Variants in MACROD2 observed in about 807,000 individuals in gnomAD.
MACROD2 encodes ADP-ribose glycohydrolase MACROD2.
A neutral mutation model predicts 70.4 loss-of-function variants in MACROD2; 36 were observed. The observed-to-expected ratio is 0.51, with a 90% CI of 0.39 to 0.68. MACROD2 has a LOEUF of 0.68. MACROD2 is among the 30% of genes least tolerant of loss of function. The pLI is 0.00. For missense variants in MACROD2, 496 were observed against 538.4 expected (o/e 0.92, Z 0.78); for synonymous variants, 172 against 178.8 (o/e 0.96, Z 0.30).
chr20:15,610,208 A>G (rs2048947918), intron 8 of MACROD2, among the ~76,000 whole-genome samples: 1 of 152,240 alleles, frequency 6.6e-6, no homozygotes, highest in Non-Finnish European at 1.5e-5. Context: ...TTCTCCCACA[A>G]CCGTTGCCAC....
intron 5 of MACROD2, among the ~76,000 whole-genome samples, chr20:15,060,915 G>A (rs2235608): frequency 0.16 from 24,753 of 152,124 alleles, 2,688 homozygotes; most frequent in East Asian, 0.35. Context: ...CAATGAAGCC[G>A]GCTCAGGAAG....
intron 8 of MACROD2, among the ~76,000 whole-genome samples, chr20:15,713,067 T>G (rs955187706): frequency 3.3e-5 from 5 of 152,126 alleles, no homozygotes; most frequent in Non-Finnish European, 7.4e-5. Flanking sequence ...CTTGGATAGA[T>G]TATTAATACC....
Position 14,847,140 on chromosome 20 carries a change from A to C in MACROD2, c.418+162181A>C, listed in dbSNP as rs183766581. ...TTATTATTGGTTACTTTAAAAAAAGAGTAAAACTACTTCTGTAACATTAAT... is the reference window on the plus strand; with the variant it reads ...TTATTATTGGTTACTTTAAAAAAAGCGTAAAACTACTTCTGTAACATTAAT... On this transcript the variant is annotated intron_variant, in intron 5 of 17. Transcript: ENST00000684519. 4.1e-3 allele frequency among the ~76,000 whole-genome samples: 626 copies of C among 152,314 alleles called. 2 individuals are homozygous for C. The highest frequency in any genetic ancestry group is 0.014 in the African/African-American group (600 of 41,580).
At chr20:14,553,581 C>T (rs1446781022) in intron 4 of MACROD2, among the ~76,000 whole-genome samples, 1 of 152,010 alleles carries the variant, frequency 6.6e-6, no homozygotes, top group African/African-American at 2.4e-5. Flanking sequence ...GGTTTGTTTA[C>T]ATCAGTATCA....
chr20:14,721,900 T>A (rs769061596), intron 5 of MACROD2, among the ~76,000 whole-genome samples: 1 of 152,134 alleles, frequency 6.6e-6, no homozygotes, highest in Non-Finnish European at 1.5e-5. Context: ...TCCCCTTCTC[T>A]TAAGGAACCG....
intron 5 of MACROD2, among the ~76,000 whole-genome samples, chr20:14,819,525 C>A (rs955792366): frequency 3.9e-5 from 6 of 151,970 alleles, no homozygotes; most frequent in Non-Finnish European, 8.8e-5. Flanking sequence ...GAAACAAAAC[C>A]TTCCCCTCAT....
At chr20:15,016,599 C>T (rs184943282) in intron 5 of MACROD2, among the ~76,000 whole-genome samples, 11 of 152,066 alleles carry the variant, frequency 7.2e-5, no homozygotes, top group Admixed American at 2.6e-4. Context: ...TGGCACGTCC[C>T]CCCTCTCTCT....
At chr20:15,614,045 C>T (rs1248353992) in intron 8 of MACROD2, among the ~76,000 whole-genome samples, 1 of 152,218 alleles carries the variant, frequency 6.6e-6, no homozygotes, top group South Asian at 2.1e-4. Context: ...CCCAGACTCA[C>T]AGGTGTAACT....
intron 3 of MACROD2, among the ~76,000 whole-genome samples, chr20:14,164,660 A>C (rs1437159338): frequency 6.6e-6 from 1 of 151,876 alleles, no homozygotes; most frequent in Non-Finnish European, 1.5e-5. Flanking sequence ...TGGTAGCAGC[A>C]GGTTGGGTGG....
At chr20:14,096,507 C>T (rs2054229095) in intron 3 of MACROD2, among the ~76,000 whole-genome samples, 1 of 151,684 alleles carries the variant, frequency 6.6e-6, no homozygotes, top group South Asian at 2.1e-4. Context: ...GCTGGGATTA[C>T]AGGCAGGCAG....
chr20:15,336,143 G>A (rs79020525), intron 6 of MACROD2, among the ~76,000 whole-genome samples: 4 of 151,594 alleles, frequency 2.6e-5, no homozygotes, highest in Admixed American at 2.0e-4. Flanking sequence ...GTTGAGCATC[G>A]TGTTAGTAAA....
At chr20:15,902,820 A>G (rs1173331177) in intron 10 of MACROD2, among the ~76,000 whole-genome samples, 1 of 152,048 alleles carries the variant, frequency 6.6e-6, no homozygotes, top group Non-Finnish European at 1.5e-5. Context: ...CGTAGCTGAC[A>G]TTGTGACAAC....
rs149310936 is a variant in MACROD2 at position 15,559,080 on chromosome 20, A to G, written c.645+59233A>G. Reference sequence around the variant, plus strand: ...CGTCTCTACTAAAAATACAAAAATTAGCTGGGCATGGTGGCGCACGCCTGT... The same window carrying G: ...CGTCTCTACTAAAAATACAAAAATTGGCTGGGCATGGTGGCGCACGCCTGT... On this transcript the variant is annotated intron_variant, in intron 8 of 17. Transcript: ENST00000684519. 1.2e-3 allele frequency among the ~76,000 whole-genome samples: 188 copies of G among 152,244 alleles called. 2 individuals carry two copies. The East Asian group carries it at 0.035, about 28-fold the overall frequency.
At chr20:15,704,435 C>CG (rs1407409682) in intron 8 of MACROD2, among the ~76,000 whole-genome samples, 1 of 152,142 alleles carries the variant, frequency 6.6e-6, no homozygotes, top group African/African-American at 2.4e-5. Flanking sequence ...AAAAAAAACC[C>CG]TCCGTTAGAG....
At chr20:14,082,177 C>CTCT (rs2054004375) in intron 2 of MACROD2, among the ~76,000 whole-genome samples, 1 of 93,172 alleles carries the variant, frequency 1.1e-5, no homozygotes. Flanking sequence ...CTTTTTTTTT[C>CTCT]TTTTTTTTTT....
intron 5 of MACROD2, among the ~76,000 whole-genome samples, chr20:15,172,968 A>G (rs531441439): frequency 6.6e-5 from 10 of 152,212 alleles, no homozygotes; most frequent in Non-Finnish European, 1.3e-4. Flanking sequence ...CAAGTGACAT[A>G]AAAACCATTC....
intron 5 of MACROD2, among the ~76,000 whole-genome samples, chr20:15,004,865 G>A (rs1391189534): frequency 1.3e-5 from 2 of 152,184 alleles, no homozygotes; most frequent in East Asian, 1.9e-4. Flanking sequence ...ACTTTGATGT[G>A]TAAAACTTTG....
chr20:14,587,980 G>A (rs760974609), intron 4 of MACROD2, among the ~76,000 whole-genome samples: 333 of 152,124 alleles, frequency 2.2e-3, no homozygotes, highest in Non-Finnish European at 3.4e-3. Context: ...TTCTGTAAGG[G>A]AAAAGGACCA....
chr20:14,431,308 A>G (rs2083991941), intron 3 of MACROD2, among the ~76,000 whole-genome samples: 1 of 152,114 alleles, frequency 6.6e-6, no homozygotes, highest in Admixed American at 6.6e-5. Context: ...CAGAGGTGGG[A>G]TGGAAACCCT....
Sources: allele counts gnomAD v4.1 joint callset (sites outside exome capture counted in the v4.1 genomes callset), GRCh38; gene constraint gnomAD v4.1.1; transcripts MANE v1.5; gene names NCBI Gene and HGNC (gene_info 2026-07-23, HGNC 2026-07-21).